FAM193A: variants seen among roughly 807,000 people sequenced by gnomAD.
FAM193A encodes the protein family with sequence similarity 193 member A.
In FAM193A, 22 loss-of-function variants were observed where a neutral mutation model predicts 126.5. The observed-to-expected ratio is 0.17, with a 90% CI of 0.12 to 0.25. The LOEUF is 0.25. Ranked by LOEUF, FAM193A falls within the 10% of genes least tolerant of loss-of-function variation. FAM193A has a pLI of 1.00. For missense variants in FAM193A, 1,675 were observed against 1,672.8 expected (o/e 1.00, Z -0.02); for synonymous variants, 761 against 646.8 (o/e 1.18, Z -2.68).
intron 1 of FAM193A, among the ~76,000 whole-genome samples, chr4:2,564,691 T>G (rs910237650): frequency 6.6e-6 from 1 of 152,142 alleles, no homozygotes; most frequent in African/African-American, 2.4e-5. Flanking sequence ...TCAGCAAATA[T>G]TTTTGGAGTA....
chr4:2,608,089 C>G (rs892783397), intron 2 of FAM193A: 1 of 1,609,284 alleles, frequency 6.2e-7, no homozygotes. Context: ...TGATTCACTC[C>G]CAGATTAGTG....
In FAM193A at chr4:2,591,287, T is replaced by A. The variant is rs115158010; in HGVS notation, c.256-4797T>A. ...CGGGAGTGTGGAACTGTAAGGAGTT[T>A]CAAGTGGGTGATTTTGCAAGAACAC... On this transcript the variant is annotated intron_variant, in intron 1 of 20. Transcript: ENST00000637812. 4.3e-3 allele frequency among the ~76,000 whole-genome samples: 660 copies of A among 152,150 alleles called. 1 individual carries two copies. Among genetic ancestry groups the A allele is most frequent in the African/African-American group, 0.015 (635 of 41,518 alleles).
rs1399125648 is a variant in FAM193A, at chr4:2,596,242, C to T, written c.414C>T (p.Ser138=). 8.5e-6 allele frequency: 6 copies of T among 702,876 alleles called. No individual in the cohort carries two copies. The highest frequency in any genetic ancestry group is 6.0e-5 in the Admixed American group (3 of 49,994). 43.5% of individuals were successfully genotyped at this position (702,876 alleles called of 1,614,324 possible). A position where few individuals can be genotyped will look rare whatever the true frequency, so the allele number is the denominator to read the frequency against. The change falls in exon 2 of 21, where the codon AGC becomes AGT. Residue 138 remains serine, a synonymous_variant. Coordinates refer to ENST00000637812, the MANE Select transcript of FAM193A (RefSeq NM_001366318.2). ...TTTCCATGGCTCCCAAGGGCAACAG[C>T]GTGCTGCACCTGCCACTGTGGGTGT... is the stretch of plus-strand genomic sequence containing the variant. ...LALSMAPKGN[S]VLHLPLWVCP... is the part of the protein sequence containing the mutation.
chr4:2,715,196 C>T (rs1719413795), intron 19 of FAM193A: 2 of 152,212 alleles, frequency 1.3e-5, no homozygotes, highest in Admixed American at 1.3e-4. Context: ...GGCACAGTGG[C>T]TCACGCTTGT....
At chr4:2,549,687 C>T (rs1226393119) in intron 1 of FAM193A, among the ~76,000 whole-genome samples, 2 of 151,862 alleles carry the variant, frequency 1.3e-5, no homozygotes, top group African/African-American at 4.8e-5. Context: ...TGAGCCACCG[C>T]GCCCGGCCCC....
At chr4:2,591,644 T>G (rs111381294) in intron 1 of FAM193A, among the ~76,000 whole-genome samples, 29 of 152,362 alleles carry the variant, frequency 1.9e-4, no homozygotes, top group African/African-American at 6.7e-4. Flanking sequence ...TCTTCATGTT[T>G]ATAAGAAGTT....
At chr4:2,668,250 G>A (rs1290933076) in intron 12 of FAM193A, among the ~76,000 whole-genome samples, 2 of 141,430 alleles carry the variant, frequency 1.4e-5, no homozygotes, top group African/African-American at 5.3e-5. Flanking sequence ...GTCTCGCTCT[G>A]TCACCCAGGC....
intron 2 of FAM193A, among the ~76,000 whole-genome samples, chr4:2,602,772 T>TGCCTCA (rs958573627): frequency 4.0e-5 from 6 of 151,548 alleles, no homozygotes; most frequent in African/African-American, 1.5e-4. Flanking sequence ...ACCATTCTCC[T>TGCCTCA]GCCTCAGCCT....
rs779008269 is a variant in FAM193A at position 2,659,806 on chromosome 4, G to T, written c.1503-6G>T. ...GGCTTGGTAACTGTCCTTAATTCCT[G>T]ATCAGATGTGCTTGCGATGACTGCA... On this transcript the variant is annotated splice_polypyrimidine_tract_variant and splice_region_variant and intron_variant, in intron 9 of 20. Transcript: ENST00000637812. 28 of 1,613,962 alleles carry T rather than the reference G, an allele frequency of 1.7e-5. No homozygotes were observed. Among genetic ancestry groups the T allele is most frequent in the Non-Finnish European group, 1.6e-5 (19 of 1,180,028 alleles).
At chr4:2,625,125 A>G (rs1475311385) in intron 2 of FAM193A, 137 bp from the exon 3 acceptor site, 2 of 569,832 alleles carry the variant, frequency 3.5e-6, no homozygotes, top group South Asian at 2.2e-5. Context: ...GAGCCACTGT[A>G]TCTGGCCAAG....
Position 2,557,600 on chromosome 4 carries a change from T to C in FAM193A, c.255+20430T>C, listed in dbSNP as rs1475792251. Reference sequence around the variant, plus strand: ...CTTCAAAGGATTCCTGAGAAGCTAATTAATATTCAGATTTATAGTATGGTA... The same window carrying C: ...CTTCAAAGGATTCCTGAGAAGCTAACTAATATTCAGATTTATAGTATGGTA... On this transcript the variant is annotated intron_variant, in intron 1 of 20. Coordinates refer to ENST00000637812, the MANE Select transcript of FAM193A (RefSeq NM_001366318.2). 2.0e-5 allele frequency among the ~76,000 whole-genome samples: 3 copies of C among 152,178 alleles called. No individual in the cohort carries two copies. In the East Asian group the frequency reaches 5.8e-4, roughly 29 times the overall value.
chr4:2,586,653 A>G (rs1475875734), intron 1 of FAM193A, among the ~76,000 whole-genome samples: 1 of 152,050 alleles, frequency 6.6e-6, no homozygotes, highest in Non-Finnish European at 1.5e-5. Context: ...CTGAATTATT[A>G]TAGCATTTGT....
chr4:2,550,728 G>A (rs1048098946), intron 1 of FAM193A, among the ~76,000 whole-genome samples: 1 of 151,626 alleles, frequency 6.6e-6, no homozygotes, highest in African/African-American at 2.4e-5. Context: ...GAGCCACCAC[G>A]CCTGTTGGTT....
chr4:2,723,468 G>A (rs565680578), intron 20 of FAM193A, among the ~76,000 whole-genome samples: 10 of 151,100 alleles, frequency 6.6e-5, no homozygotes, highest in Non-Finnish European at 8.9e-5. Flanking sequence ...CCAGCTGCTC[G>A]GGAGGCTGAG....
At chr4:2,694,220 A>G (rs1221733190) in intron 16 of FAM193A, among the ~76,000 whole-genome samples, 1 of 152,162 alleles carries the variant, frequency 6.6e-6, no homozygotes, top group Admixed American at 6.5e-5. Flanking sequence ...TGAAATGTGT[A>G]TATAGTAAAA....
At chr4:2,599,219 T>G (rs1741050019) in intron 2 of FAM193A, among the ~76,000 whole-genome samples, 3 of 152,092 alleles carry the variant, frequency 2.0e-5, no homozygotes, top group Admixed American at 6.6e-5. Flanking sequence ...TTAAACTGTT[T>G]TTTTTTTTTC....
rs752857415 is a variant in FAM193A at position 2,634,627 on chromosome 4, A to T, written c.1038+3458A>T. Among the ~76,000 whole-genome samples, 3 of 152,264 alleles carry T rather than the reference A, an allele frequency of 2.0e-5. No individual in the cohort carries two copies. The South Asian group carries it at 6.2e-4, about 31-fold the overall frequency. On this transcript the variant is annotated intron_variant, in intron 5 of 20. Transcript: ENST00000637812. The stretch of plus-strand genomic sequence containing the variant: ...AATGATAATTCAGATTTGAAAAAAT[A>T]TCAAAACTAGAAACAAAAACTTTTT...
At chr4:2,575,926 C>G (rs933247336) in intron 1 of FAM193A, among the ~76,000 whole-genome samples, 6 of 152,094 alleles carry the variant, frequency 3.9e-5, no homozygotes, top group African/African-American at 1.4e-4. Flanking sequence ...AAGGACATGT[C>G]ACATGGAGTG....
At chr4:2,585,558 C>T (rs1170083104) in intron 1 of FAM193A, among the ~76,000 whole-genome samples, 1 of 152,164 alleles carries the variant, frequency 6.6e-6, no homozygotes, top group South Asian at 2.1e-4. Context: ...AGTTGTATAT[C>T]TTTTTCCTAT....
Sources: allele counts gnomAD v4.1 joint callset (sites outside exome capture counted in the v4.1 genomes callset), GRCh38; gene constraint gnomAD v4.1.1; transcripts MANE v1.5; gene names NCBI Gene and HGNC (gene_info 2026-07-23, HGNC 2026-07-21).